The following CYP3A5 variants were observed in gnomAD, a reference collection of about 807,000 sequenced individuals.
The protein encoded by CYP3A5 is cytochrome P450 3A5.
CYP3A5 carries 51 observed loss-of-function variants against 55.9 expected under a neutral mutation model. The observed-to-expected ratio is 0.91, with a 90% CI of 0.73 to 1.15. The LOEUF (loss-of-function observed/expected upper bound fraction) is 1.15, where lower values mean the gene tolerates loss of function less well. CYP3A5 is among the 50% of genes most tolerant of loss of function. The probability of loss-of-function intolerance (pLI) is 0.00; values close to 1 mark genes in which losing one functional copy is unlikely to be tolerated. For synonymous variants in CYP3A5, 196 were observed against 213.9 expected (o/e 0.92, Z 0.73); for missense variants, 533 against 596.6 (o/e 0.89, Z 1.11).
chr7:99,666,886 T>C (rs1055186247), intron 5 of CYP3A5, 66 bp downstream of exon 5: 1 of 1,602,008 alleles, frequency 6.2e-7, no homozygotes, highest in Non-Finnish European at 8.5e-7. Context: ...GACTGTGATC[T>C]TACTTTCTAC....
intron 10 of CYP3A5, among the ~76,000 whole-genome samples, chr7:99,656,994 G>T (rs1198772409): frequency 5.3e-5 from 8 of 151,948 alleles, no homozygotes; most frequent in African/African-American, 1.9e-4. Context: ...AGTCTTGCTA[G>T]CATTCTATCA....
At chr7:99,671,230 C>T (rs980168026) in intron 4 of CYP3A5, 1 of 153,656 alleles carries the variant, frequency 6.5e-6, no homozygotes, top group Non-Finnish European at 1.4e-5. Flanking sequence ...AGATTGGACA[C>T]CTCTGCTTTA....
chr7:99,654,477 A>G (rs1057276430), intron 10 of CYP3A5, among the ~76,000 whole-genome samples: 3 of 152,182 alleles, frequency 2.0e-5, no homozygotes, highest in Admixed American at 6.5e-5. Context: ...AATCCAGTCT[A>G]TCATTATTGG....
At chr7:99,666,789 A>C in intron 5 of CYP3A5, 100 bp from the exon 6 acceptor site, 1 of 1,598,574 alleles carries the variant, frequency 6.3e-7, no homozygotes, top group South Asian at 1.1e-5. Context: ...GACATTTTGT[A>C]ATGAATTTTG....
intron 12 of CYP3A5, among the ~76,000 whole-genome samples, chr7:99,648,621 A>G (rs1173510654): frequency 6.6e-6 from 1 of 151,784 alleles, no homozygotes; most frequent in Non-Finnish European, 1.5e-5. Flanking sequence ...TTTATGGAGC[A>G]CTGACTCTGT....
intron 10 of CYP3A5, among the ~76,000 whole-genome samples, chr7:99,656,851 T>A (rs1269197571): frequency 6.6e-6 from 1 of 152,216 alleles, no homozygotes; most frequent in East Asian, 1.9e-4. Flanking sequence ...TCTTCTAGAT[T>A]TTCTAGTTTA....
Position 99,662,273 on chromosome 7 carries a change from G to A in CYP3A5, c.865+543C>T, listed in dbSNP as rs189491320. On this transcript the variant is annotated intron_variant, in intron 9 of 12. Coordinates refer to ENST00000222982, the MANE Select transcript of CYP3A5 (RefSeq NM_000777.5). The surrounding 1 kb of genome is among the most constrained non-coding windows in gnomAD (Gnocchi z 4.3). ...CCACTGTCTTAGTAATAATGGTTTTGGTTAAAACCATCCATGGGTCATAAA... is the reference window on the plus strand; with the variant it reads ...CCACTGTCTTAGTAATAATGGTTTTAGTTAAAACCATCCATGGGTCATAAA... Among the ~76,000 whole-genome samples the A allele has an allele frequency of 7.9e-5, 12 of 152,188 alleles. No homozygotes were observed. The East Asian group carries it at 1.9e-3, about 24-fold the overall frequency.
chr7:99,659,054 G>T (rs1217762411), intron 10 of CYP3A5: 1 of 152,206 alleles, frequency 6.6e-6, no homozygotes, highest in East Asian at 1.9e-4. Flanking sequence ...GGAGTAGTTT[G>T]ATCGTCTGAA....
intron 10 of CYP3A5, among the ~76,000 whole-genome samples, chr7:99,654,804 G>T (rs1809546947): frequency 6.6e-6 from 1 of 152,146 alleles, no homozygotes; most frequent in African/African-American, 2.4e-5. Flanking sequence ...ATCTCATTGT[G>T]GTTTTGATTT....
intron 3 of CYP3A5, 148 bp from the exon 4 acceptor site, chr7:99,672,827 AG>A: frequency 6.8e-7 from 1 of 1,472,432 alleles, no homozygotes; most frequent in Non-Finnish European, 9.0e-7. Flanking sequence ...CTAGTTCATT[AG>A]GGTGTGACAC....
intron 10 of CYP3A5, among the ~76,000 whole-genome samples, chr7:99,658,316 T>G (rs570684622): frequency 1.5e-4 from 23 of 152,266 alleles, no homozygotes; most frequent in South Asian, 1.2e-3. Context: ...GTCTGTAAAG[T>G]ATTTTATTTC....
At chr7:99,660,379 T>G in intron 10 of CYP3A5, 120 bp downstream of exon 10, 1 of 1,465,066 alleles carries the variant, frequency 6.8e-7, no homozygotes, top group Non-Finnish European at 9.0e-7. Context: ...GCTTCCTACA[T>G]TATGTCAGTG....
intron 12 of CYP3A5, 89 bp from the exon 13 acceptor site, chr7:99,648,489 T>G: frequency 4.1e-6 from 4 of 984,958 alleles, no homozygotes; most frequent in Non-Finnish European, 4.5e-6. Context: ...ATGACAAAAA[T>G]GCTTTGCAAG....
chr7:99,648,269 T>TA lies in CYP3A5; in HGVS notation c.*35_*36insT. 2.5e-6 allele frequency: 4 copies of TA among 1,599,208 alleles called. No homozygotes were observed. Among genetic ancestry groups the TA allele is most frequent in the Non-Finnish European group, 3.4e-6 (4 of 1,172,822 alleles). On this transcript the variant is annotated 3_prime_UTR_variant, in exon 13 of 13. Coordinates refer to ENST00000222982, the MANE Select transcript of CYP3A5 (RefSeq NM_000777.5). ...AATCTCTGGTGTTCTGGGGCACAGC[T>TA]TTCTTGAAGACCAAAGTAGAAATCC...
Position 99,677,496 on chromosome 7 carries a change from C to T in CYP3A5, c.72-1288G>A, listed in dbSNP as rs529566015. Among the ~76,000 whole-genome samples, 10 of 152,268 alleles carry T rather than the reference C, an allele frequency of 6.6e-5. No individual in the cohort carries two copies. The South Asian group carries it at 1.9e-3, about 28-fold the overall frequency. The stretch of plus-strand genomic sequence containing the variant: ...ATAAGATAAGTAATGATAAAACGTC[C>T]CGGAGAGTTGTATTAAGACCTTGTT... On this transcript the variant is annotated intron_variant, in intron 1 of 12. Transcript: ENST00000222982.
At chr7:99,657,726 T>C (rs1320096426) in intron 10 of CYP3A5, among the ~76,000 whole-genome samples, 3 of 152,188 alleles carry the variant, frequency 2.0e-5, no homozygotes, top group Admixed American at 6.5e-5. Context: ...CTAACTCTCT[T>C]TGTAAGTCTC....
At position 99,662,296 on chromosome 7, in the gene CYP3A5, A is replaced by G. The variant is rs1444541777; in HGVS notation, c.865+520T>C. On this transcript the variant is annotated intron_variant, in intron 9 of 12. Transcript: ENST00000222982. This position sits in a 1 kb window ranked among gnomAD's most constrained non-coding sequence, Gnocchi z 4.3. Reference sequence around the variant, plus strand: ...TTGGTTAAAACCATCCATGGGTCATAAAACTAGTAGATACAAGACTGAAGA... The same window carrying G: ...TTGGTTAAAACCATCCATGGGTCATGAAACTAGTAGATACAAGACTGAAGA... Among the ~76,000 whole-genome samples, 3 of 152,250 alleles carry G rather than the reference A, an allele frequency of 2.0e-5. No homozygotes were observed. The highest frequency in any genetic ancestry group is 4.4e-5 in the Non-Finnish European group (3 of 68,048).
chr7:99,653,090 C>T lies in CYP3A5; in HGVS notation c.1027-311G>A, dbSNP rs1033397080. Among the ~76,000 whole-genome samples the T allele has an allele frequency of 6.6e-6, 1 of 152,052 alleles. No individual in the cohort carries two copies. The highest frequency in any genetic ancestry group is 1.5e-5 in the Non-Finnish European group (1 of 68,006). On this transcript the variant is annotated intron_variant, in intron 10 of 12. Coordinates refer to ENST00000222982, the MANE Select transcript of CYP3A5 (RefSeq NM_000777.5). The surrounding 1 kb of genome is among the most constrained non-coding windows in gnomAD (Gnocchi z 4.2). Reference sequence around the variant, plus strand: ...AGAAATGTGATTAATGGGGCTATGACCATTACCACCAAATAAAATACACCA... The same window carrying T: ...AGAAATGTGATTAATGGGGCTATGATCATTACCACCAAATAAAATACACCA...
chr7:99,655,260 G>T (rs1003377622), intron 10 of CYP3A5, among the ~76,000 whole-genome samples: 2 of 152,244 alleles, frequency 1.3e-5, no homozygotes, highest in African/African-American at 2.4e-5. Flanking sequence ...TTTGTATAAG[G>T]TGTAAGGAAG....
Sources: gnomAD v4.1 joint callset for allele counts (sites outside exome capture counted in the v4.1 genomes callset) on GRCh38, gnomAD v4.1.1 for gene constraint, Gnocchi (gnomAD v3.1) non-coding constraint, MANE v1.5 for transcripts, NCBI Gene and HGNC (gene_info 2026-07-23, HGNC 2026-07-21) for gene names.